SIM1: variants seen among roughly 807,000 people sequenced by gnomAD.
SIM1 encodes the protein SIM bHLH transcription factor 1.
Under a neutral mutation model 78.2 loss-of-function variants are expected in SIM1, and 18 were observed. The ratio of observed to expected loss-of-function variants is 0.23; its 90% confidence interval spans 0.16 to 0.34. The LOEUF is 0.34. Among genes scored for constraint, SIM1 ranks in the 10% least tolerant of loss-of-function variants. SIM1 has a pLI of 1.00. For synonymous variants in SIM1, 417 were observed against 385.2 expected (o/e 1.08, Z -0.97); for missense variants, 939 against 975.1 (o/e 0.96, Z 0.49).
chr6:100,393,060 A>G (rs1439355461), intron 11 of SIM1, among the ~76,000 whole-genome samples: 2 of 152,316 alleles, frequency 1.3e-5, no homozygotes, highest in Middle Eastern at 3.4e-3. Context: ...ACTGTCCATA[A>G]AACAAAGACT....
chr6:100,461,841 C>CTTTTTTTTTTT (rs10522700), intron 2 of SIM1, among the ~76,000 whole-genome samples: 33 of 113,334 alleles, frequency 2.9e-4, no homozygotes, highest in African/African-American at 5.7e-4. Flanking sequence ...TTCTTTCTTT[C>CTTTTTTTTTTT]TTTTTTTTTT....
At position 100,388,160 on chromosome 6, in the gene SIM1, A is replaced by G. The variant is rs1166174376; in HGVS notation, c.*2201T>C. ...AATACTCTTTTTTGTATAATTCAAA[A>G]CTTAGTTTTTATTGTATGGTCACCC... On this transcript the variant is annotated 3_prime_UTR_variant, in exon 12 of 12. Transcript: ENST00000369208. The G allele has an allele frequency of 6.6e-6, 1 of 152,138 alleles. No homozygotes were observed. Among genetic ancestry groups the G allele is most frequent in the Non-Finnish European group, 1.5e-5 (1 of 68,008 alleles). 9.4% of individuals were successfully genotyped at this position (152,138 alleles called of 1,614,324 possible). A position where few individuals can be genotyped will look rare whatever the true frequency, so the allele number is the denominator to read the frequency against.
intron 10 of SIM1, among the ~76,000 whole-genome samples, chr6:100,420,108 G>A (rs1337191358): frequency 5.3e-5 from 8 of 152,190 alleles, no homozygotes; most frequent in African/African-American, 1.9e-4. Context: ...GGCCAGGAGA[G>A]CTGTGTACAC....
intron 11 of SIM1, among the ~76,000 whole-genome samples, chr6:100,391,994 G>A (rs1770651878): frequency 6.6e-6 from 1 of 152,128 alleles, no homozygotes; most frequent in Non-Finnish European, 1.5e-5. Context: ...CCAACATTGT[G>A]AAGCCCCGTC....
chr6:100,394,921 C>T (rs1478881594), intron 10 of SIM1, among the ~76,000 whole-genome samples: 1 of 152,146 alleles, frequency 6.6e-6, no homozygotes, highest in Non-Finnish European at 1.5e-5. Flanking sequence ...GGATGTGCCT[C>T]TTGTTTAGAA....
At chr6:100,433,628 G>A (rs766494568) in intron 9 of SIM1, among the ~76,000 whole-genome samples, 54 of 151,818 alleles carry the variant, frequency 3.6e-4, no homozygotes, top group Non-Finnish European at 5.9e-4. Flanking sequence ...CAGCTACTCC[G>A]GAGGCTGAGG....
intron 9 of SIM1, among the ~76,000 whole-genome samples, chr6:100,435,994 TCACA>T (rs3836990): frequency 0.065 from 9,739 of 150,536 alleles, 352 homozygotes; most frequent in African/African-American, 0.11. Context: ...ACCATACACA[TCACA>T]CACACACACA....
chr6:100,447,735 T>C (rs1343983247), intron 8 of SIM1, among the ~76,000 whole-genome samples: 1 of 152,228 alleles, frequency 6.6e-6, no homozygotes, highest in Non-Finnish European at 1.5e-5. Context: ...TCTGGGCAGC[T>C]GAGCTCCGGC....
At chr6:100,391,373 C>A (rs1770636052) in intron 11 of SIM1, among the ~76,000 whole-genome samples, 1 of 152,070 alleles carries the variant, frequency 6.6e-6, no homozygotes, top group African/African-American at 2.4e-5. Flanking sequence ...TGACAATTAG[C>A]AAAATGGTAA....
chr6:100,403,860 T>A (rs1484303096), intron 10 of SIM1, among the ~76,000 whole-genome samples: 1 of 152,222 alleles, frequency 6.6e-6, no homozygotes, highest in Non-Finnish European at 1.5e-5. Flanking sequence ...AAAGTATTAT[T>A]AATCCCTTTA....
chr6:100,389,287 G>T lies in SIM1; in HGVS notation c.*1074C>A. The T allele has an allele frequency of 3.9e-6, 1 of 258,484 alleles. No individual in the cohort carries two copies. Among genetic ancestry groups the T allele is most frequent in the Non-Finnish European group, 7.2e-6 (1 of 138,186 alleles). The allele number at this position is 258,484 out of a possible 1,614,324, so 16.0% of individuals were successfully genotyped here. On this transcript the variant is annotated 3_prime_UTR_variant, in exon 12 of 12. Transcript: ENST00000369208. The stretch of plus-strand genomic sequence containing the variant: ...CTTAACTACTTGTCTATCAGCCTAA[G>T]CTTTTATCTTAGACTCTCTCCTGAG...
intron 9 of SIM1, chr6:100,427,395 A>G (rs963880138): frequency 2.0e-5 from 3 of 152,344 alleles, no homozygotes; most frequent in African/African-American, 7.2e-5. Context: ...TTACATAAAC[A>G]TACATTGCCT....
intron 10 of SIM1, among the ~76,000 whole-genome samples, chr6:100,412,598 A>AGAAAGAAAG (rs1771234718): frequency 9.1e-6 from 1 of 110,386 alleles, no homozygotes; most frequent in Non-Finnish European, 1.9e-5. Context: ...AAAGAAAGAA[A>AGAAAGAAAG]GAAAGAAAGA....
chr6:100,460,613 C>T (rs1179668867), intron 2 of SIM1, among the ~76,000 whole-genome samples: 1 of 152,156 alleles, frequency 6.6e-6, no homozygotes, highest in Admixed American at 6.5e-5. Context: ...TGAATTTCAT[C>T]TTCCAACAAA....
intron 9 of SIM1, among the ~76,000 whole-genome samples, chr6:100,437,845 A>G (rs1772097155): frequency 6.6e-6 from 1 of 152,200 alleles, no homozygotes; most frequent in Non-Finnish European, 1.5e-5. Context: ...GGACTGGGGA[A>G]TGGAGAGAAA....
At chr6:100,429,652 A>T (rs1305176343) in intron 9 of SIM1, among the ~76,000 whole-genome samples, 1 of 152,156 alleles carries the variant, frequency 6.6e-6, no homozygotes, top group African/African-American at 2.4e-5. Flanking sequence ...TGCATTAAAG[A>T]TGTCTTTCAT....
In SIM1 at chr6:100,400,684, T is replaced by C. The variant is rs193169207; in HGVS notation, c.1168-6795A>G. Among the ~76,000 whole-genome samples the C allele has an allele frequency of 7.2e-5, 11 of 152,088 alleles. No individual in the cohort carries two copies. In the East Asian group the frequency reaches 2.1e-3, roughly 29 times the overall value. ...AAATACAGAAAAACTTAAGCAAAAGTAAATGACAGTAATGAATAAATTGTA... is the reference window on the plus strand; with the variant it reads ...AAATACAGAAAAACTTAAGCAAAAGCAAATGACAGTAATGAATAAATTGTA... On this transcript the variant is annotated intron_variant, in intron 10 of 11. Coordinates refer to ENST00000369208, the MANE Select transcript of SIM1 (RefSeq NM_005068.3).
chr6:100,404,864 G>A (rs1241184052), intron 10 of SIM1, among the ~76,000 whole-genome samples: 1 of 152,182 alleles, frequency 6.6e-6, no homozygotes, highest in Non-Finnish European at 1.5e-5. Context: ...GAGGCTGATG[G>A]AAACTATGTG....
Position 100,420,616 on chromosome 6 carries a change from A to T in SIM1, c.1167+174T>A, listed in dbSNP as rs3734357. On this transcript the variant is annotated intron_variant, in intron 10 of 11. Transcript: ENST00000369208. ...TAAACCACAAAATTATTTCAAAGTT[A>T]TACTAGCAGTTATTTTAAAAGGAGG... 0.37 allele frequency among the ~76,000 whole-genome samples: 56,450 copies of T among 152,136 alleles called. 10,929 individuals are homozygous for T. The highest frequency in any genetic ancestry group is 0.75 in the East Asian group (3,902 of 5,174).
Sources: gnomAD v4.1 joint callset for allele counts (sites outside exome capture counted in the v4.1 genomes callset) on GRCh38, gnomAD v4.1.1 for gene constraint, MANE v1.5 for transcripts, NCBI Gene and HGNC (gene_info 2026-07-23, HGNC 2026-07-21) for gene names.